Variants in PRRX1 observed in about 807,000 individuals in gnomAD.
The protein encoded by PRRX1 is paired related homeobox 1.
In PRRX1, 8 loss-of-function variants were observed where a neutral mutation model predicts 24.0. That is an observed-to-expected ratio of 0.33 (90% confidence interval 0.20 to 0.60). The LOEUF is 0.60. Among genes scored for constraint, PRRX1 ranks in the 20% least tolerant of loss-of-function variants. The pLI is 0.82. For missense variants in PRRX1, 281 were observed against 322.4 expected, an observed-to-expected ratio of 0.87 and a Z score of 0.98; for synonymous variants, 160 against 131.7, an observed-to-expected ratio of 1.22 and a Z score of -1.47.
At chr1:170,664,755 T>C (rs659580) in intron 1 of PRRX1, among the ~76,000 whole-genome samples, 122,198 of 152,276 alleles carry the variant, frequency 0.8, 50,107 homozygotes, top group Middle Eastern at 0.99. Context: ...TTACTTCGGC[T>C]AGGCACCGGC....
chr1:170,694,061 C>A (rs1654078929), intron 1 of PRRX1, among the ~76,000 whole-genome samples: 1 of 152,000 alleles, frequency 6.6e-6, no homozygotes, highest in African/African-American at 2.4e-5. Context: ...CCACGAAGGA[C>A]TTTATTACCA....
At chr1:170,677,966 G>A (rs1653379054) in intron 1 of PRRX1, among the ~76,000 whole-genome samples, 1 of 152,238 alleles carries the variant, frequency 6.6e-6, no homozygotes, top group Middle Eastern at 3.4e-3. Context: ...ACCTGACATA[G>A]CTAGTAAATT....
chr1:170,664,949 C>G (rs1266386647), intron 1 of PRRX1, among the ~76,000 whole-genome samples: 1 of 152,232 alleles, frequency 6.6e-6, no homozygotes, highest in East Asian at 1.9e-4. Flanking sequence ...GGGAGCAGGA[C>G]TTGGCGCTGC....
intron 2 of PRRX1, among the ~76,000 whole-genome samples, chr1:170,720,234 C>T (rs544511851): frequency 1.2e-4 from 18 of 152,112 alleles, no homozygotes; most frequent in Middle Eastern, 3.4e-3. Flanking sequence ...GCTGAGATCA[C>T]GCCAGTGCAC....
intron 3 of PRRX1, among the ~76,000 whole-genome samples, chr1:170,735,343 GT>G (rs1051308854): frequency 6.6e-6 from 1 of 152,180 alleles, no homozygotes; most frequent in Non-Finnish European, 1.5e-5. Flanking sequence ...GACTTTGATA[GT>G]TTATCTAGGA....
chr1:170,713,693 A>T (rs1276137085), intron 1 of PRRX1, among the ~76,000 whole-genome samples: 3 of 152,184 alleles, frequency 2.0e-5, no homozygotes, highest in Non-Finnish European at 4.4e-5. Flanking sequence ...GTAATTTCAC[A>T]CTTCTTAGAG....
intron 1 of PRRX1, chr1:170,667,302 G>A (rs1571309582): frequency 8.2e-6 from 1 of 121,694 alleles, no homozygotes; most frequent in Non-Finnish European, 1.7e-5. Context: ...ACACACGCGC[G>A]CGCGCGCGCA....
intron 1 of PRRX1, among the ~76,000 whole-genome samples, chr1:170,700,047 A>C (rs1258010203): frequency 2.6e-5 from 4 of 152,218 alleles, no homozygotes; most frequent in Admixed American, 2.6e-4. Flanking sequence ...AAGGGTTTTC[A>C]TATATATGCT....
chr1:170,680,797 G>A (rs1653479486), intron 1 of PRRX1, among the ~76,000 whole-genome samples: 2 of 152,112 alleles, frequency 1.3e-5, no homozygotes, highest in South Asian at 4.1e-4. Flanking sequence ...AAGACAGCTG[G>A]GCTTCCTGGT....
At chr1:170,702,247 G>A (rs1194570973) in intron 1 of PRRX1, among the ~76,000 whole-genome samples, 1 of 152,152 alleles carries the variant, frequency 6.6e-6, no homozygotes. Context: ...TTCCTATCAG[G>A]CCACGGACTG....
intron 1 of PRRX1, among the ~76,000 whole-genome samples, chr1:170,681,443 T>C (rs1653502341): frequency 6.6e-6 from 1 of 150,680 alleles, no homozygotes; most frequent in South Asian, 2.1e-4. Flanking sequence ...CTGACTGTGC[T>C]AGAATTACAA....
chr1:170,719,955 T>A (rs996021682), intron 2 of PRRX1, 54 bp downstream of exon 2: 12 of 1,596,684 alleles, frequency 7.5e-6, no homozygotes, highest in South Asian at 1.1e-5. Context: ...CAGAGGCACA[T>A]CTCTGAAAAC....
At chr1:170,713,426 A>C (rs1230892110) in intron 1 of PRRX1, among the ~76,000 whole-genome samples, 1 of 152,226 alleles carries the variant, frequency 6.6e-6, no homozygotes, top group Non-Finnish European at 1.5e-5. Context: ...TAAAGCGCTT[A>C]AGGTGATATG....
In PRRX1 at chr1:170,736,343, G is replaced by A; in HGVS notation, c.*157G>A. On this transcript the variant is annotated 3_prime_UTR_variant, in exon 4 of 4. Transcript: ENST00000239461. ...TTGGGACCATGGCAGAGAAAAGCAG[G>A]AGAGGAGCAAAATGAAAATTAGTTA... The A allele has an allele frequency of 9.8e-7, 1 of 1,024,160 alleles. No homozygotes were observed. The highest frequency in any genetic ancestry group is 1.4e-6 in the Non-Finnish European group (1 of 700,578). 63.4% of individuals were successfully genotyped at this position (1,024,160 alleles called of 1,614,324 possible).
intron 2 of PRRX1, among the ~76,000 whole-genome samples, chr1:170,723,321 C>T (rs1313246135): frequency 6.6e-6 from 1 of 150,954 alleles, no homozygotes. Flanking sequence ...ACTGCTCACT[C>T]CACAAAAAGA....
At chr1:170,692,575 G>A (rs1487143645) in intron 1 of PRRX1, among the ~76,000 whole-genome samples, 3 of 148,664 alleles carry the variant, frequency 2.0e-5, no homozygotes, top group African/African-American at 5.0e-5. Flanking sequence ...TAAGAACCAG[G>A]TCTGTTCTAG....
At chr1:170,681,007 A>G (rs777410090) in intron 1 of PRRX1, among the ~76,000 whole-genome samples, 4 of 152,136 alleles carry the variant, frequency 2.6e-5, no homozygotes, top group Non-Finnish European at 5.9e-5. Flanking sequence ...TTGTCTCCAT[A>G]TTTATTTGTG....
intron 1 of PRRX1, among the ~76,000 whole-genome samples, chr1:170,694,144 G>T (rs1016897821): frequency 6.6e-6 from 1 of 151,938 alleles, no homozygotes; most frequent in Non-Finnish European, 1.5e-5. Flanking sequence ...GCACCATAAG[G>T]TTTCAGTTTC....
intron 1 of PRRX1, among the ~76,000 whole-genome samples, chr1:170,676,453 T>C (rs114321007): frequency 0.014 from 2,191 of 152,180 alleles, 45 homozygotes; most frequent in African/African-American, 0.05. Context: ...GGAAATCCAA[T>C]CTATGCAGTC....
Sources: gnomAD v4.1 joint callset for allele counts (sites outside exome capture counted in the v4.1 genomes callset) on GRCh38, gnomAD v4.1.1 for gene constraint, MANE v1.5 for transcripts, NCBI Gene and HGNC (gene_info 2026-07-23, HGNC 2026-07-21) for gene names.